BLTP1: variants seen among roughly 807,000 people sequenced by gnomAD.
The protein encoded by BLTP1 is bridge-like lipid transfer protein family member 1.
At chr4:122,169,083 G>A in the BLTP1 span, among the ~76,000 whole-genome samples, 70 of 152,200 alleles carry the variant, frequency 4.6e-4, no homozygotes, top group Non-Finnish European at 8.1e-4. Context: ...GAGTAGCTAG[G>A]ACTACAGGTG....
the BLTP1 span, among the ~76,000 whole-genome samples, chr4:122,216,885 A>G: frequency 2.0e-5 from 3 of 151,920 alleles, no homozygotes; most frequent in African/African-American, 7.3e-5. Context: ...TAGAATTTTT[A>G]TGGTTTCGTG....
the BLTP1 span, chr4:122,300,818 G>A: frequency 9.9e-6 from 6 of 608,532 alleles, no homozygotes; most frequent in Non-Finnish European, 1.2e-5. Context: ...TTGAAAGATA[G>A]GCAGGCAGAA....
At chr4:122,196,639 T>G in the BLTP1 span, 1 of 1,605,228 alleles carries the variant, frequency 6.2e-7, no homozygotes, top group Non-Finnish European at 8.5e-7. Context: ...ATGTAGAGAT[T>G]GTTTGTGGAA....
chr4:122,167,628 C>T, the BLTP1 span: 1 of 984,266 alleles, frequency 1.0e-6, no homozygotes, highest in East Asian at 1.1e-4. Flanking sequence ...TGCCTAACTT[C>T]TCCCCTACAA....
At chr4:122,281,293 G>T in the BLTP1 span, 1 of 979,272 alleles carries the variant, frequency 1.0e-6, no homozygotes. Flanking sequence ...ATAATGATAA[G>T]AATCACCTTC....
chr4:122,163,675 A>G, the BLTP1 span, among the ~76,000 whole-genome samples: 1 of 152,232 alleles, frequency 6.6e-6, no homozygotes, highest in Non-Finnish European at 1.5e-5. Context: ...TGAGATAGGT[A>G]CTATTAGTGT....
At chr4:122,246,630 G>A in the BLTP1 span, 1 of 1,576,918 alleles carries the variant, frequency 6.3e-7, no homozygotes, top group Non-Finnish European at 8.6e-7. Flanking sequence ...CATATTTTAT[G>A]TTTAAGTGGT....
the BLTP1 span, chr4:122,192,168 AGGAAACTTT>A: frequency 6.4e-7 from 1 of 1,565,636 alleles, no homozygotes; most frequent in Non-Finnish European, 8.7e-7. Context: ...TACTGATCTA[AGGAAACTTT>A]TTAATGGCCA....
At chr4:122,250,803 T>C in the BLTP1 span, among the ~76,000 whole-genome samples, 1 of 152,184 alleles carries the variant, frequency 6.6e-6, no homozygotes, top group Admixed American at 6.5e-5. Context: ...CCTAGCATTA[T>C]GCCTTGCTCA....
the BLTP1 span, chr4:122,186,204 C>T: frequency 6.2e-7 from 1 of 1,611,018 alleles, no homozygotes; most frequent in Non-Finnish European, 8.5e-7. Context: ...AGAACAAGAA[C>T]CCAATCGAAA....
the BLTP1 span, chr4:122,346,830 GATCTT>G: frequency 6.4e-7 from 1 of 1,556,830 alleles, no homozygotes; most frequent in African/African-American, 1.4e-5. Context: ...ACACAAACGT[GATCTT>G]ACTTGGCAGG....
the BLTP1 span, chr4:122,269,764 G>T: frequency 1.2e-6 from 1 of 808,244 alleles, no homozygotes; most frequent in Non-Finnish European, 1.5e-6. Flanking sequence ...TTAGCATTGA[G>T]TCTGGCATGT....
chr4:122,334,093 GT>G, the BLTP1 span, among the ~76,000 whole-genome samples: 289 of 152,054 alleles, frequency 1.9e-3, 1 homozygote, highest in African/African-American at 6.8e-3. Context: ...TTAAACAACA[GT>G]TTTTTAGATT....
chr4:122,236,845 A>G, the BLTP1 span: 141 of 985,378 alleles, frequency 1.4e-4, no homozygotes, highest in African/African-American at 1.7e-3. Flanking sequence ...CCGAATTGCC[A>G]TAAGTTTCTT....
At chr4:122,302,243 C>A in the BLTP1 span, 1 of 981,006 alleles carries the variant, frequency 1.0e-6, no homozygotes, top group Non-Finnish European at 1.2e-6. Context: ...TTGCTACTAA[C>A]ACGAGAAATT....
the BLTP1 span, among the ~76,000 whole-genome samples, chr4:122,296,104 G>A: frequency 6.6e-6 from 1 of 152,150 alleles, no homozygotes; most frequent in Non-Finnish European, 1.5e-5. Context: ...GCAAGAGAAA[G>A]AAAGTGTATA....
At chr4:122,331,867 A>C in the BLTP1 span, 3 of 685,050 alleles carry the variant, frequency 4.4e-6, no homozygotes, top group African/African-American at 3.9e-5. Flanking sequence ...TTAAAGAACA[A>C]CACAATGCTC....
At chr4:122,234,068 A>T in the BLTP1 span, 1 of 153,630 alleles carries the variant, frequency 6.5e-6, no homozygotes, top group African/African-American at 2.4e-5. Context: ...AAAGTAAAAA[A>T]AAAGGAATAA....
chr4:122,355,610 T>C, the BLTP1 span: 14 of 153,968 alleles, frequency 9.1e-5, no homozygotes, highest in Admixed American at 1.3e-4. Flanking sequence ...TGTATATATA[T>C]ACATATGTGT....
Sources: allele counts gnomAD v4.1 joint callset (sites outside exome capture counted in the v4.1 genomes callset), GRCh38; gene constraint gnomAD v4.1.1; transcripts MANE v1.5; gene names NCBI Gene and HGNC (gene_info 2026-07-23, HGNC 2026-07-21).